Variants in OPA3 observed in about 807,000 individuals in gnomAD.
OPA3 encodes outer mitochondrial membrane lipid metabolism regulator OPA3.
In OPA3, 6 loss-of-function variants were observed where a neutral mutation model predicts 4.0. That is an observed-to-expected ratio of 1.51 (90% confidence interval 0.83 to 2.99). The LOEUF is 2.99. Ranked by LOEUF, OPA3 falls within the 30% of genes most tolerant of loss-of-function variation. The pLI is 0.00. For missense variants in OPA3, 235 were observed against 256.2 expected, an observed-to-expected ratio of 0.92 and a Z score of 0.56; for synonymous variants, 105 against 117.1, an observed-to-expected ratio of 0.90 and a Z score of 0.67.
chr19:45,532,596 C>T lies in OPA3; in HGVS notation c.143-3140G>A, dbSNP rs1271992690. On this transcript the variant is annotated intron_variant, in intron 1 of 1. Coordinates refer to the OPA3 transcript ENST00000323060. ...TTTCCCTTCCTGTTTTTTTCCATTG[C>T]TCCTTTTTGTTACACCACTGGGAGG... Among the ~76,000 whole-genome samples the T allele has an allele frequency of 2.0e-5, 3 of 152,102 alleles. No homozygotes were observed. The South Asian group carries it at 6.2e-4, about 31-fold the overall frequency.
rs1363616568 is a variant in OPA3, at chr19:45,553,629, G to GCCTGCA, written c.419_424dup (p.Val140_Gln141dup). On this transcript the variant is annotated inframe_insertion, in exon 2 of 2. Transcript: ENST00000263275. ...CTCCAGGGCGCCCTGTGGCGGCGCCGCCTGCACCTGCGCCTGCAGCGCTTC... is the reference window on the plus strand; with the variant it reads ...CTCCAGGGCGCCCTGTGGCGGCGCCGCCTGCACCTGCACCTGCGCCTGCAGCGCTTC... 6.2e-7 allele frequency: 1 copy of GCCTGCA among 1,606,194 alleles called. No homozygotes were observed. The highest frequency in any genetic ancestry group is 8.5e-7 in the Non-Finnish European group (1 of 1,178,470).
At chr19:45,562,794 G>T (rs1336754752) in intron 1 of OPA3, among the ~76,000 whole-genome samples, 1 of 152,226 alleles carries the variant, frequency 6.6e-6, no homozygotes, top group Non-Finnish European at 1.5e-5. Context: ...TGCTGAGATA[G>T]GAATGAGGCC....
chr19:45,551,005 G>A lies in OPA3; in HGVS notation c.*2509C>T. On this transcript the variant is annotated 3_prime_UTR_variant, in exon 2 of 2. Transcript: ENST00000263275. Reference sequence around the variant, plus strand: ...AGAAAGGGTCTCACTCTGTCATCCAGGCTGGAGTGTAGTGGCGCGATCACG... The same window carrying A: ...AGAAAGGGTCTCACTCTGTCATCCAAGCTGGAGTGTAGTGGCGCGATCACG... The A allele has an allele frequency of 7.2e-6, 7 of 969,898 alleles. No homozygotes were observed. Among genetic ancestry groups the A allele is most frequent in the Non-Finnish European group, 8.6e-6 (7 of 815,888 alleles). The allele number at this position is 969,898 out of a possible 1,614,324, so 60.1% of individuals were successfully genotyped here.
chr19:45,556,534 T>C (rs1186798820), intron 1 of OPA3, among the ~76,000 whole-genome samples: 2 of 152,020 alleles, frequency 1.3e-5, no homozygotes, highest in African/African-American at 4.8e-5. Flanking sequence ...TTAAATTGTT[T>C]TTTGGTAGAG....
At chr19:45,553,988 G>A (rs903728078) in intron 1 of OPA3, 77 bp from the exon 2 acceptor site, 1 of 1,258,414 alleles carries the variant, frequency 7.9e-7, no homozygotes, top group African/African-American at 1.5e-5. Flanking sequence ...AGGGAATGCA[G>A]TCACCTAGCC....
rs1377520867 is a variant in OPA3 at position 45,584,380 on chromosome 19, C to T, written c.142+243G>A. The T allele has an allele frequency of 3.0e-6, 3 of 985,292 alleles. No homozygotes were observed. The African/African-American group carries it at 5.2e-5, about 17-fold the overall frequency. The allele number at this position is 985,292 out of a possible 1,614,324, so 61.0% of individuals were successfully genotyped here. On this transcript the variant is annotated intron_variant, in intron 1 of 1. Coordinates refer to ENST00000263275, the MANE Select transcript of OPA3 (RefSeq NM_025136.4). ...CAGGGCATCAGTCTCCAAGCGCTCT[C>T]TTCCTTTATCGGCTGGCATTTCCTA...
chr19:45,565,775 G>A (rs180746818), intron 1 of OPA3, among the ~76,000 whole-genome samples: 2 of 151,790 alleles, frequency 1.3e-5, no homozygotes, highest in African/African-American at 2.4e-5. Flanking sequence ...ATGAGCCACC[G>A]CGCCCGGCCA....
chr19:45,581,868 G>A lies in OPA3; in HGVS notation c.142+2755C>T, dbSNP rs527698371. 1.8e-3 allele frequency among the ~76,000 whole-genome samples: 274 copies of A among 152,252 alleles called. 1 individual carries two copies. Among genetic ancestry groups the A allele is most frequent in the African/African-American group, 5.6e-3 (234 of 41,550 alleles). On this transcript the variant is annotated intron_variant, in intron 1 of 1. Coordinates refer to ENST00000263275, the MANE Select transcript of OPA3 (RefSeq NM_025136.4). ...GACTGGAGGGCAGTGGTGCAATCTC[G>A]GATCACTGCAACCTCTACCTCCTAG...
intron 1 of OPA3, among the ~76,000 whole-genome samples, chr19:45,535,478 C>T (rs555501532): frequency 6.6e-6 from 1 of 150,618 alleles, no homozygotes; most frequent in Non-Finnish European, 1.5e-5. Context: ...CTACTTCAGC[C>T]TCCTGAGTAG....
intron 1 of OPA3, among the ~76,000 whole-genome samples, chr19:45,555,286 G>A (rs1049970368): frequency 1.1e-4 from 16 of 152,074 alleles, no homozygotes; most frequent in African/African-American, 3.4e-4. Context: ...AAAAGTACAT[G>A]AACAAAAAGA....
chr19:45,579,741 AAATAAT>A (rs143143527), intron 1 of OPA3, among the ~76,000 whole-genome samples: 3 of 151,578 alleles, frequency 2.0e-5, no homozygotes, highest in South Asian at 2.1e-4. Context: ...TATATACACA[AAATAAT>A]AATAATAATA....
downstream of OPA3, among the ~76,000 whole-genome samples, chr19:45,543,301 A>G (rs1396606459): frequency 7.0e-5 from 10 of 143,306 alleles, no homozygotes; most frequent in African/African-American, 2.1e-4. Context: ...ATGAGCCACC[A>G]CAACTGGCCT....
chr19:45,551,915 T>C lies in OPA3; in HGVS notation c.*1599A>G. On this transcript the variant is annotated 3_prime_UTR_variant, in exon 2 of 2. Transcript: ENST00000263275. ...ATTCGACTGGGTCCCTGAGAAATGC[T>C]ACTGAGCAAGGTGGGGAAGGCAAGA... is the stretch of plus-strand genomic sequence containing the variant. 1.0e-6 allele frequency: 1 copy of C among 985,550 alleles called. No homozygotes were observed. The allele number at this position is 985,550 out of a possible 1,614,324, so 61.1% of individuals were successfully genotyped here. A position where few individuals can be genotyped will look rare whatever the true frequency, so the allele number is the denominator to read the frequency against.
In OPA3 at chr19:45,549,828, T is replaced by C; in HGVS notation, c.*3686A>G. The C allele has an allele frequency of 1.0e-6, 1 of 985,472 alleles. No individual in the cohort carries two copies. Among genetic ancestry groups the C allele is most frequent in the Middle Eastern group, 5.2e-4 (1 of 1,918 alleles). The allele number at this position is 985,472 out of a possible 1,614,324, so 61.0% of individuals were successfully genotyped here. A position where few individuals can be genotyped will look rare whatever the true frequency, so the allele number is the denominator to read the frequency against. ...CAGGACCCACTCGGTCAGTTCCCTC[T>C]GCTCCAGCTTCTCCCCCTCTTCCAG... On this transcript the variant is annotated 3_prime_UTR_variant, in exon 2 of 2. Coordinates refer to ENST00000263275, the MANE Select transcript of OPA3 (RefSeq NM_025136.4).
rs1157590459 is a variant in OPA3 at position 45,552,560 on chromosome 19, C to CT, written c.*953dup. The CT allele has an allele frequency of 2.7e-5, 4 of 145,902 alleles. No individual in the cohort carries two copies. The East Asian group carries it at 8.3e-4, about 30-fold the overall frequency. 9.0% of individuals were successfully genotyped at this position (145,902 alleles called of 1,614,324 possible). A position where few individuals can be genotyped will look rare whatever the true frequency, so the allele number is the denominator to read the frequency against. ...TTTTTTTTTGAGACACAGTCTTGCT[C>CT]TGTCACCCGGGCTGGAATACAGTGG... is the stretch of plus-strand genomic sequence containing the variant. On this transcript the variant is annotated 3_prime_UTR_variant, in exon 2 of 2. Transcript: ENST00000263275.
downstream of OPA3, among the ~76,000 whole-genome samples, chr19:45,543,002 GTTTATTTA>G (rs34569348): frequency 2.5e-3 from 367 of 149,494 alleles, 1 homozygote; most frequent in Non-Finnish European, 4.3e-3. Flanking sequence ...TATTTTGTTT[GTTTATTTA>G]TTTATTTATT....
In OPA3 at chr19:45,584,775, TCA is replaced by T. The variant is rs1291892702; in HGVS notation, c.-13_-12del. On this transcript the variant is annotated 5_prime_UTR_variant, in exon 1 of 2. Coordinates refer to ENST00000263275, the MANE Select transcript of OPA3 (RefSeq NM_025136.4). ...CGCGCCCACCACCATCTTGGCGGTC[TCA>T]CAGGGCACGCGCAACCTTGCTGACT... The T allele has an allele frequency of 1.2e-5, 19 of 1,613,280 alleles. No homozygotes were observed. Among genetic ancestry groups the T allele is most frequent in the Non-Finnish European group, 1.6e-5 (19 of 1,180,010 alleles).
chr19:45,548,435 T>C lies in OPA3; in HGVS notation c.*5079A>G, dbSNP rs1456123545. 1 of 985,300 alleles carries C rather than the reference T, an allele frequency of 1.0e-6. No homozygotes were observed. Among genetic ancestry groups the C allele is most frequent in the African/African-American group, 1.7e-5 (1 of 57,222 alleles). 61.0% of individuals were successfully genotyped at this position (985,300 alleles called of 1,614,324 possible). A position where few individuals can be genotyped will look rare whatever the true frequency, so the allele number is the denominator to read the frequency against. On this transcript the variant is annotated 3_prime_UTR_variant, in exon 2 of 2. Transcript: ENST00000263275. ...GTTTTGTGAGCTGGGATGAATGGGT[T>C]TATAGTCCTGAGTCACTCCAGAGGG...
chr19:45,579,429 C>A (rs191463314), intron 1 of OPA3, among the ~76,000 whole-genome samples: 118 of 152,214 alleles, frequency 7.8e-4, no homozygotes, highest in African/African-American at 2.6e-3. Flanking sequence ...CCATGTTGCC[C>A]AGGCTGGTCT....
Sources: gnomAD v4.1 joint callset for allele counts (sites outside exome capture counted in the v4.1 genomes callset) on GRCh38, gnomAD v4.1.1 for gene constraint, MANE v1.5 for transcripts, NCBI Gene and HGNC (gene_info 2026-07-23, HGNC 2026-07-21) for gene names.